The following SND1 variants were observed in gnomAD, a reference collection of about 807,000 sequenced individuals.
SND1 encodes the protein staphylococcal nuclease domain-containing protein 1.
Under a neutral mutation model 121.7 loss-of-function variants are expected in SND1, and 38 were observed. The ratio of observed to expected loss-of-function variants is 0.31; its 90% CI spans 0.24 to 0.41. The LOEUF is 0.41. Ranked by LOEUF, SND1 falls within the 10% of genes least tolerant of loss-of-function variation. The pLI is 1.00. For missense variants in SND1, 868 were observed against 1,184.6 expected, an observed-to-expected ratio of 0.73 and a Z score of 3.92; for synonymous variants, 401 against 447.4, an observed-to-expected ratio of 0.90 and a Z score of 1.31.
chr7:127,812,571 G>A lies in SND1; in HGVS notation c.1242+4998G>A, dbSNP rs1197685198. 2.0e-5 allele frequency among the ~76,000 whole-genome samples: 3 copies of A among 151,530 alleles called. No homozygotes were observed. The East Asian group carries it at 5.8e-4, about 29-fold the overall frequency. ...CATCAGGGAGAAAGGAAGGACAGGT[G>A]TTGCTTTTTTTTATCTTGGCACAGG... On this transcript the variant is annotated intron_variant, in intron 11 of 23. Transcript: ENST00000354725.
chr7:127,832,740 T>C (rs1208363826), intron 11 of SND1, among the ~76,000 whole-genome samples: 2 of 152,216 alleles, frequency 1.3e-5, no homozygotes, highest in Admixed American at 1.3e-4. Flanking sequence ...AGCCCCGGAC[T>C]GCGGACCGGT....
rs186511435 is a variant in SND1 at position 127,937,489 on chromosome 7, C to T, written c.1669+8160C>T. ...CCCTCTCCCTCCCCCTGTCCCTTCT[C>T]CTCTCTCTCTCCCTCTCCCTCCCTT... On this transcript the variant is annotated intron_variant, in intron 15 of 23. Transcript: ENST00000354725. Among the ~76,000 whole-genome samples the T allele has an allele frequency of 1.8e-4, 28 of 151,796 alleles. No individual in the cohort carries two copies. In the East Asian group the frequency reaches 5.0e-3, roughly 27 times the overall value.
At chr7:127,805,888 CCTGT>C (rs1798229492) in intron 10 of SND1, among the ~76,000 whole-genome samples, 1 of 152,094 alleles carries the variant, frequency 6.6e-6, no homozygotes, top group African/African-American at 2.4e-5. Flanking sequence ...TTGATTTTCT[CCTGT>C]CTTTCTATAC....
intron 1 of SND1, among the ~76,000 whole-genome samples, chr7:127,668,995 TC>T (rs1288848614): frequency 6.6e-6 from 1 of 151,392 alleles, no homozygotes; most frequent in Non-Finnish European, 1.5e-5. Context: ...CAGCAGTGCC[TC>T]CCCCTTTTTT....
chr7:127,744,899 A>T (rs780470072), intron 10 of SND1, among the ~76,000 whole-genome samples: 56 of 152,224 alleles, frequency 3.7e-4, no homozygotes, highest in Non-Finnish European at 6.5e-4. Flanking sequence ...CACGACTGCA[A>T]CTGATTATTC....
At chr7:127,790,772 G>A (rs550832317) in intron 10 of SND1, among the ~76,000 whole-genome samples, 6 of 152,276 alleles carry the variant, frequency 3.9e-5, no homozygotes, top group South Asian at 2.1e-4. Context: ...ATTCACAGAC[G>A]GCTTCCTGGA....
chr7:127,904,593 T>G (rs1305936957), intron 13 of SND1, 154 bp from the exon 14 acceptor site: 2 of 539,410 alleles, frequency 3.7e-6, no homozygotes, highest in Admixed American at 2.9e-5. Flanking sequence ...CAAATCCTCT[T>G]GCACAGACTG....
At chr7:128,053,189 T>G (rs1793075689) in intron 16 of SND1, among the ~76,000 whole-genome samples, 1 of 152,218 alleles carries the variant, frequency 6.6e-6, no homozygotes, top group African/African-American at 2.4e-5. Flanking sequence ...TGTAAACCAT[T>G]TAGGACTGCA....
intron 1 of SND1, among the ~76,000 whole-genome samples, chr7:127,666,489 A>G (rs969768816): frequency 4.6e-5 from 7 of 152,186 alleles, no homozygotes; most frequent in African/African-American, 1.7e-4. Flanking sequence ...CATACAGTAA[A>G]GGTGGCCCCT....
At chr7:128,045,426 A>T (rs1221260806) in intron 16 of SND1, among the ~76,000 whole-genome samples, 1 of 152,064 alleles carries the variant, frequency 6.6e-6, no homozygotes, top group Non-Finnish European at 1.5e-5. Flanking sequence ...GCTCTACATC[A>T]AGGAGCCTGA....
At chr7:128,030,495 A>G (rs768432251) in intron 16 of SND1, 1 of 1,613,490 alleles carries the variant, frequency 6.2e-7, no homozygotes, top group Non-Finnish European at 8.5e-7. Context: ...GCACGAGCAG[A>G]CGGAGGGGCA....
At chr7:128,063,020 GGCTTCAC>G (rs1268033385) in intron 16 of SND1, among the ~76,000 whole-genome samples, 1 of 152,146 alleles carries the variant, frequency 6.6e-6, no homozygotes, top group African/African-American at 2.4e-5. Context: ...TTGCTTGGAG[GGCTTCAC>G]GCTAGACAGT....
intron 15 of SND1, among the ~76,000 whole-genome samples, chr7:127,939,947 T>G (rs906152873): frequency 3.3e-5 from 5 of 152,186 alleles, no homozygotes; most frequent in Non-Finnish European, 5.9e-5. Context: ...TTAATACTGA[T>G]GAGACAAGGG....
At chr7:127,702,789 G>T in intron 6 of SND1, among the ~76,000 whole-genome samples, 1 of 152,178 alleles carries the variant, frequency 6.6e-6, no homozygotes, top group East Asian at 1.9e-4. Flanking sequence ...ATGGAACAAT[G>T]AGAGGCTATG....
intron 12 of SND1, among the ~76,000 whole-genome samples, chr7:127,866,176 C>G (rs1327141937): frequency 6.6e-6 from 1 of 152,070 alleles, no homozygotes; most frequent in African/African-American, 2.4e-5. Flanking sequence ...ATACTGAGCT[C>G]GAAGAGAAGC....
At chr7:127,678,556 G>GA (rs5887351) in intron 1 of SND1, among the ~76,000 whole-genome samples, 49,949 of 151,654 alleles carry the variant, frequency 0.33, 9,094 homozygotes, top group Admixed American at 0.42. Context: ...TTCTTGCCAG[G>GA]AAAAAAACCA....
chr7:128,023,607 G>A (rs778077797), intron 16 of SND1, among the ~76,000 whole-genome samples: 25 of 152,184 alleles, frequency 1.6e-4, no homozygotes, highest in Non-Finnish European at 3.5e-4. Context: ...GTTTTCCTGG[G>A]AGGATAAGTA....
intron 11 of SND1, among the ~76,000 whole-genome samples, chr7:127,831,874 C>T (rs912414731): frequency 3.3e-5 from 5 of 151,406 alleles, no homozygotes; most frequent in African/African-American, 9.7e-5. Flanking sequence ...TGGAAATGTA[C>T]GATGTGAAAA....
At chr7:127,713,159 C>G (rs973774877) in intron 9 of SND1, among the ~76,000 whole-genome samples, 3 of 152,216 alleles carry the variant, frequency 2.0e-5, no homozygotes, top group African/African-American at 7.2e-5. Context: ...CTGAACCCTG[C>G]CATGGTAGCA....
Sources: gnomAD v4.1 joint callset for allele counts (sites outside exome capture counted in the v4.1 genomes callset) on GRCh38, gnomAD v4.1.1 for gene constraint, MANE v1.5 for transcripts, NCBI Gene and HGNC (gene_info 2026-07-23, HGNC 2026-07-21) for gene names.